The following MED26 variants were observed in gnomAD, a reference collection of about 807,000 sequenced individuals.
The protein encoded by MED26 is mediator of RNA polymerase II transcription subunit 26.
A neutral mutation model predicts 43.7 loss-of-function variants in MED26; 7 were observed. The ratio of observed to expected loss-of-function variants is 0.16; its 90% confidence interval spans 0.09 to 0.30. The LOEUF is 0.30. Ranked by LOEUF, MED26 falls within the 10% of genes least tolerant of loss-of-function variation. MED26 has a pLI of 1.00. For synonymous variants in MED26, 375 were observed against 371.1 expected, an observed-to-expected ratio of 1.01 and a Z score of -0.12; for missense variants, 784 against 840.6, an observed-to-expected ratio of 0.93 and a Z score of 0.83.
chr19:16,578,012 G>A (rs867424566), intron 2 of MED26: 60 of 478,596 alleles, frequency 1.3e-4, no homozygotes, highest in South Asian at 3.5e-4. Flanking sequence ...TGCTGTGGCC[G>A]AGGCGACAGC....
In MED26 at chr19:16,576,485, C is replaced by A; in HGVS notation, c.1345G>T (p.Val449Leu). 6.2e-7 allele frequency: 1 copy of A among 1,614,186 alleles called. No homozygotes were observed. Among genetic ancestry groups the A allele is most frequent in the Non-Finnish European group, 8.5e-7 (1 of 1,180,030 alleles). The change falls in exon 3 of 3, where the codon GTG (valine) becomes TTG (leucine). Residue 449 changes from valine (V) to leucine (L), a missense_variant. Coordinates refer to ENST00000263390, the MANE Select transcript of MED26 (RefSeq NM_004831.5). This position sits in a 1 kb window ranked among gnomAD's most constrained non-coding sequence, Gnocchi z 6.8. Reference sequence around the variant, plus strand: ...GTCCTGGACTGCTGCTCCATGTGCACAGGGCTGTCTGCCCGCACTGGCTCT... The same window carrying A: ...GTCCTGGACTGCTGCTCCATGTGCAAAGGGCTGTCTGCCCGCACTGGCTCT... ...QKEPVRADSP[V>L]HMEQQSRTEL...
rs2086239708 is a variant in MED26, at chr19:16,619,205, C to T, written c.72+8667G>A. Among the ~76,000 whole-genome samples, 3 of 152,232 alleles carry T rather than the reference C, an allele frequency of 2.0e-5. No homozygotes were observed. In the East Asian group the frequency reaches 5.8e-4, roughly 29 times the overall value. On this transcript the variant is annotated intron_variant, in intron 1 of 2. Transcript: ENST00000263390. ...GGATAAAACTGTTCTTATTTTATAT[C>T]CCTTCACATCAGTATCACGGGTCTC... is the stretch of plus-strand genomic sequence containing the variant.
intron 1 of MED26, among the ~76,000 whole-genome samples, chr19:16,612,543 C>T (rs1397474106): frequency 6.6e-6 from 1 of 152,190 alleles, no homozygotes; most frequent in East Asian, 1.9e-4. Context: ...ACCTCGGTCT[C>T]CCAAAGTGCT....
At position 16,575,269 on chromosome 19, in the gene MED26, A is replaced by G. The variant is rs2122364898; in HGVS notation, c.*758T>C. 6.5e-6 allele frequency: 1 copy of G among 152,768 alleles called. No individual in the cohort carries two copies. The highest frequency in any genetic ancestry group is 2.1e-4 in the South Asian group (1 of 4,828). 9.5% of individuals were successfully genotyped at this position (152,768 alleles called of 1,614,324 possible). A position where few individuals can be genotyped will look rare whatever the true frequency, so the allele number is the denominator to read the frequency against. On this transcript the variant is annotated 3_prime_UTR_variant, in exon 3 of 3. Coordinates refer to ENST00000263390, the MANE Select transcript of MED26 (RefSeq NM_004831.5). ...AGGAAGGGAAAAAAGAAAAGGGAGG[A>G]AGAAAGGAAAGGTTTTTTTGTCTGG...
At chr19:16,598,294 G>T (rs1467046087) in intron 1 of MED26, among the ~76,000 whole-genome samples, 1 of 128,652 alleles carries the variant, frequency 7.8e-6, no homozygotes, top group Non-Finnish European at 1.6e-5. Context: ...CTGAGATCAC[G>T]CCATTGCACT....
intron 1 of MED26, among the ~76,000 whole-genome samples, chr19:16,596,251 A>C (rs1891629057): frequency 6.6e-6 from 1 of 152,174 alleles, no homozygotes; most frequent in African/African-American, 2.4e-5. Context: ...AAAGCAGTTA[A>C]ATCTGCTGTG....
Position 16,626,567 on chromosome 19 carries a change from T to C in MED26, c.72+1305A>G, listed in dbSNP as rs999728007. On this transcript the variant is annotated intron_variant, in intron 1 of 2. Transcript: ENST00000263390. Reference sequence around the variant, plus strand: ...CAACCAGAGCCTTCGAAAAAACTCATAACCCTTCAGTCTTAACCAAAAATT... The same window carrying C: ...CAACCAGAGCCTTCGAAAAAACTCACAACCCTTCAGTCTTAACCAAAAATT... Among the ~76,000 whole-genome samples the C allele has an allele frequency of 1.4e-4, 22 of 151,976 alleles. No homozygotes were observed. In the Middle Eastern group the frequency reaches 0.01, roughly 70 times the overall value.
intron 1 of MED26, among the ~76,000 whole-genome samples, chr19:16,599,492 C>T (rs1190565958): frequency 8.5e-5 from 13 of 152,294 alleles, no homozygotes. Context: ...CCAGGAACAG[C>T]TGCAGGGAAG....
At chr19:16,611,491 C>T (rs1336125802) in intron 1 of MED26, 1 of 152,162 alleles carries the variant, frequency 6.6e-6, no homozygotes, top group Non-Finnish European at 1.5e-5. Flanking sequence ...CTATAGTGCT[C>T]AAGTGCTCTT....
rs765489188 is a variant in MED26, at chr19:16,609,336, A to AAAAAAAAGAGAGAG, written c.72+18535_72+18536insCTCTCTCTTTTTTT. 2.1e-3 allele frequency among the ~76,000 whole-genome samples: 303 copies of AAAAAAAAGAGAGAG among 142,298 alleles called. 7 individuals carry two copies. The highest frequency in any genetic ancestry group is 3.4e-3 in the East Asian group (17 of 4,958). The allele number at this position is 142,298 out of a possible 152,430, so 93.4% of individuals were successfully genotyped here. On this transcript the variant is annotated intron_variant, in intron 1 of 2. Transcript: ENST00000263390. ...CAAAAAAAAAAAAAAAAAAAAAAAA[A>AAAAAAAAGAGAGAG]AGAGAGAGAATAAGATATTAACCAA... is the stretch of plus-strand genomic sequence containing the variant.
Position 16,576,432 on chromosome 19 carries a change from G to T in MED26, c.1398C>A (p.Ala466=), listed in dbSNP as rs1481910922. Residue 466 remains alanine, a synonymous_variant, in exon 3 of 3, where the codon GCC becomes GCA. Transcript: ENST00000263390. The surrounding 1 kb of genome is among the most constrained non-coding windows in gnomAD (Gnocchi z 6.8). ...TCTGTTCGAAGGGGCTCTGGAGGCT[G>T]GCCTTGGCCTCCTGCTTGTCCAGCT... ...RTELDKQEAK[A]SLQSPFEQTN... is the part of the protein sequence containing the mutation. 1 of 1,614,050 alleles carries T rather than the reference G, an allele frequency of 6.2e-7. No homozygotes were observed. Among genetic ancestry groups the T allele is most frequent in the African/African-American group, 1.3e-5 (1 of 74,924 alleles).
chr19:16,597,427 T>C (rs2122414350), intron 1 of MED26: 2 of 398,670 alleles, frequency 5.0e-6, no homozygotes, highest in Non-Finnish European at 8.8e-6. Flanking sequence ...GAAGTCAACT[T>C]ACCACTGTTG....
chr19:16,610,619 G>A (rs1051575278), intron 1 of MED26: 2 of 152,082 alleles, frequency 1.3e-5, no homozygotes, highest in African/African-American at 4.8e-5. Context: ...TCAAACTCCC[G>A]AACTCAGGTG....
intron 1 of MED26, among the ~76,000 whole-genome samples, chr19:16,600,561 C>G (rs1182281737): frequency 2.0e-5 from 3 of 152,138 alleles, no homozygotes; most frequent in Non-Finnish European, 4.4e-5. Flanking sequence ...TTCTAAGCCC[C>G]TATCAGCTCC....
rs1382387056 is a variant in MED26, at chr19:16,621,572, G to A, written c.72+6300C>T. ...CCAATTGCCTGGCAATCCTTGGGAT[G>A]TGAGTTCCCAGAGGGCTGCTGGTAC... On this transcript the variant is annotated intron_variant, in intron 1 of 2. Transcript: ENST00000263390. 3.3e-5 allele frequency among the ~76,000 whole-genome samples: 5 copies of A among 152,170 alleles called. No homozygotes were observed. In the East Asian group the frequency reaches 5.8e-4, roughly 18 times the overall value.
intron 1 of MED26, among the ~76,000 whole-genome samples, chr19:16,626,877 G>A (rs548602112): frequency 6.6e-6 from 1 of 152,114 alleles, no homozygotes; most frequent in Non-Finnish European, 1.5e-5. Flanking sequence ...CTACTGCCAA[G>A]AAACTCTTGG....
intron 2 of MED26, 130 bp downstream of exon 2, chr19:16,578,205 G>A: frequency 1.1e-6 from 1 of 879,898 alleles, no homozygotes; most frequent in Non-Finnish European, 1.9e-6. Context: ...CGAGCTGTGA[G>A]GGCACACCGC....
At position 16,575,048 on chromosome 19, in the gene MED26, CCTT is replaced by C. The variant is rs2085984635; in HGVS notation, c.*976_*978del. On this transcript the variant is annotated 3_prime_UTR_variant, in exon 3 of 3. Transcript: ENST00000263390. ...TAGGTACTGTACATTCACTAAGGCTCCTTGTTTTTGCAAATCGCGTTTATGACA... is the reference window on the plus strand; with the variant it reads ...TAGGTACTGTACATTCACTAAGGCTCGTTTTTGCAAATCGCGTTTATGACA... The C allele has an allele frequency of 6.6e-6, 1 of 152,474 alleles. No individual in the cohort carries two copies. The highest frequency in any genetic ancestry group is 2.4e-5 in the African/African-American group (1 of 41,378). The allele number at this position is 152,474 out of a possible 1,614,324, so 9.4% of individuals were successfully genotyped here.
intron 1 of MED26, among the ~76,000 whole-genome samples, chr19:16,625,654 C>T (rs2086271296): frequency 6.6e-6 from 1 of 152,074 alleles, no homozygotes; most frequent in Admixed American, 6.5e-5. Flanking sequence ...AGCACCTGTG[C>T]TGGAGCCACC....
Sources: gnomAD v4.1 joint callset for allele counts (sites outside exome capture counted in the v4.1 genomes callset) on GRCh38, gnomAD v4.1.1 for gene constraint, Gnocchi (gnomAD v3.1) non-coding constraint, MANE v1.5 for transcripts, NCBI Gene and HGNC (gene_info 2026-07-23, HGNC 2026-07-21) for gene names.